The following SIK2 variants were observed in gnomAD, a reference collection of about 807,000 sequenced individuals.
SIK2 encodes serine/threonine-protein kinase SIK2.
A neutral mutation model predicts 103.2 loss-of-function variants in SIK2; 29 were observed. The ratio of observed to expected loss-of-function variants is 0.28; its 90% CI spans 0.21 to 0.38. The LOEUF (loss-of-function observed/expected upper bound fraction) is 0.38, where lower values mean the gene tolerates loss of function less well. SIK2 is among the 10% of genes least tolerant of loss of function. The pLI, the probability that SIK2 is intolerant of heterozygous loss-of-function variation, is 1.00. For synonymous variants in SIK2, 412 were observed against 446.1 expected, an observed-to-expected ratio of 0.92 and a Z score of 0.96; for missense variants, 879 against 1,171.0, an observed-to-expected ratio of 0.75 and a Z score of 3.64.
At chr11:111,649,591 T>G (rs892501550) in intron 3 of SIK2, among the ~76,000 whole-genome samples, 2 of 152,142 alleles carry the variant, frequency 1.3e-5, no homozygotes, top group Non-Finnish European at 2.9e-5. Flanking sequence ...GGGCTAATAA[T>G]GCTTGCTGTG....
chr11:111,616,704 G>A (rs1020203943), intron 2 of SIK2, among the ~76,000 whole-genome samples: 5 of 151,984 alleles, frequency 3.3e-5, no homozygotes, highest in African/African-American at 1.2e-4. Flanking sequence ...ATATTAGCCT[G>A]GTGTGGTGGT....
intron 9 of SIK2, among the ~76,000 whole-genome samples, chr11:111,719,335 G>A (rs1396779500): frequency 2.3e-5 from 3 of 127,980 alleles, no homozygotes; most frequent in Admixed American, 8.1e-5. Context: ...TGAAAAAATA[G>A]AAGAATCTTG....
chr11:111,659,384 G>GTTACAAATAT (rs1299174271), intron 3 of SIK2, among the ~76,000 whole-genome samples: 1 of 152,158 alleles, frequency 6.6e-6, no homozygotes, highest in Non-Finnish European at 1.5e-5. Flanking sequence ...TCTTGTGAAG[G>GTTACAAATAT]GAAATACAGT....
At chr11:111,679,753 C>T (rs1942753034) in intron 3 of SIK2, among the ~76,000 whole-genome samples, 1 of 152,174 alleles carries the variant, frequency 6.6e-6, no homozygotes. Flanking sequence ...CTTCCTTTCT[C>T]AGTAATATTC....
At chr11:111,713,977 T>A (rs943550920) in intron 9 of SIK2, among the ~76,000 whole-genome samples, 66 of 151,448 alleles carry the variant, frequency 4.4e-4, no homozygotes, top group Admixed American at 7.9e-4. Context: ...AAAAAAAAAA[T>A]AAATAAAATA....
intron 1 of SIK2, among the ~76,000 whole-genome samples, chr11:111,612,100 G>A (rs999649506): frequency 6.6e-6 from 1 of 152,130 alleles, no homozygotes; most frequent in African/African-American, 2.4e-5. Flanking sequence ...CACAACAGAT[G>A]CTGTGTAATG....
intron 3 of SIK2, among the ~76,000 whole-genome samples, chr11:111,642,612 C>T (rs1942197337): frequency 6.6e-6 from 1 of 152,172 alleles, no homozygotes; most frequent in Non-Finnish European, 1.5e-5. Context: ...ATGGAGGTCT[C>T]ATTACATAGG....
intron 4 of SIK2, among the ~76,000 whole-genome samples, chr11:111,689,124 G>A (rs1942890138): frequency 6.6e-6 from 1 of 152,150 alleles, no homozygotes; most frequent in Non-Finnish European, 1.5e-5. Flanking sequence ...GAATGTTGGG[G>A]AACTGTAAAT....
rs116834766 is a variant in SIK2 at position 111,694,542 on chromosome 11, T to C, written c.479-6344T>C. Among the ~76,000 whole-genome samples the C allele has an allele frequency of 5.4e-3, 829 of 152,280 alleles. 10 individuals carry two copies. Among genetic ancestry groups the C allele is most frequent in the African/African-American group, 0.019 (769 of 41,548 alleles). ...TTCTGTATATATGATTTCAGATTTG[T>C]CCCCTAGAACTGAAAAAGGGTAGGA... On this transcript the variant is annotated intron_variant, in intron 4 of 14. Transcript: ENST00000304987.
In SIK2 at chr11:111,623,305, T is replaced by G. The variant is rs1241831328; in HGVS notation, c.316+2903T>G. On this transcript the variant is annotated intron_variant, in intron 3 of 14. Transcript: ENST00000304987. ...ACATCTAGAATCCAGTTATGATAAT[T>G]TTTAATGTCCATGTCTGCTGATTTC... Among the ~76,000 whole-genome samples, 3 of 152,354 alleles carry G rather than the reference T, an allele frequency of 2.0e-5. No individual in the cohort carries two copies. In the East Asian group the frequency reaches 5.8e-4, roughly 29 times the overall value.
At chr11:111,692,162 G>C (rs1409607273) in intron 4 of SIK2, among the ~76,000 whole-genome samples, 3 of 151,430 alleles carry the variant, frequency 2.0e-5, no homozygotes, top group Non-Finnish European at 1.5e-5. Flanking sequence ...ACCAGCCTGG[G>C]CAACATGGTG....
intron 3 of SIK2, chr11:111,682,988 A>G (rs1440438751): frequency 6.6e-6 from 1 of 152,228 alleles, no homozygotes; most frequent in East Asian, 1.9e-4. Context: ...TATAACCTTA[A>G]AAGTTTTCAT....
chr11:111,713,026 G>A (rs909638263), intron 9 of SIK2, among the ~76,000 whole-genome samples: 6 of 152,066 alleles, frequency 3.9e-5, no homozygotes, highest in Non-Finnish European at 7.4e-5. Flanking sequence ...TTAGCCAGGC[G>A]TGGTGGTACA....
chr11:111,724,460 C>A lies in SIK2; in HGVS notation c.*331C>A, dbSNP rs1001317058. On this transcript the variant is annotated 3_prime_UTR_variant, in exon 15 of 15. Coordinates refer to ENST00000304987, the MANE Select transcript of SIK2 (RefSeq NM_015191.3). ...CCCAGGTGTTATGCAGGATTACATCCGTTTATTATCAAGGGCAACCTTGGT... is the reference window on the plus strand; with the variant it reads ...CCCAGGTGTTATGCAGGATTACATCAGTTTATTATCAAGGGCAACCTTGGT... The A allele has an allele frequency of 9.9e-6, 3 of 303,310 alleles. No individual in the cohort carries two copies. Among genetic ancestry groups the A allele is most frequent in the Non-Finnish European group, 1.8e-5 (3 of 162,390 alleles). The allele number at this position is 303,310 out of a possible 1,614,324, so 18.8% of individuals were successfully genotyped here.
intron 3 of SIK2, among the ~76,000 whole-genome samples, chr11:111,651,873 G>A (rs1227873134): frequency 6.6e-6 from 1 of 152,160 alleles, no homozygotes; most frequent in Non-Finnish European, 1.5e-5. Context: ...GACTTTGCAA[G>A]CTCTATAGCT....
chr11:111,672,267 AGCT>A, intron 3 of SIK2: 3 of 375,990 alleles, frequency 8.0e-6, no homozygotes, highest in Non-Finnish European at 1.5e-5. Flanking sequence ...CCACCCAGGA[AGCT>A]GCTGCTGTTG....
At chr11:111,615,950 A>G (rs924808053) in intron 1 of SIK2, among the ~76,000 whole-genome samples, 1 of 152,180 alleles carries the variant, frequency 6.6e-6, no homozygotes, top group Non-Finnish European at 1.5e-5. Flanking sequence ...TAAAGATTTT[A>G]TTTTTTCAGT....
intron 1 of SIK2, among the ~76,000 whole-genome samples, chr11:111,612,052 T>C (rs1941734582): frequency 6.6e-6 from 1 of 152,152 alleles, no homozygotes; most frequent in Non-Finnish European, 1.5e-5. Context: ...AGGAATCAAA[T>C]CTCATTCATT....
intron 4 of SIK2, among the ~76,000 whole-genome samples, chr11:111,690,192 G>A (rs1942911891): frequency 6.6e-6 from 1 of 150,954 alleles, no homozygotes; most frequent in African/African-American, 2.4e-5. Context: ...CTTCTGTGAG[G>A]AACTTCACTG....
Sources: allele counts gnomAD v4.1 joint callset (sites outside exome capture counted in the v4.1 genomes callset), GRCh38; gene constraint gnomAD v4.1.1; transcripts MANE v1.5; gene names NCBI Gene and HGNC (gene_info 2026-07-23, HGNC 2026-07-21).